CXXC4: variants seen among roughly 807,000 people sequenced by gnomAD.
CXXC4 encodes CXXC-type zinc finger protein 4.
In CXXC4, 5 loss-of-function variants were observed where a neutral mutation model predicts 20.5. The ratio of observed to expected loss-of-function variants is 0.24; its 90% confidence interval spans 0.13 to 0.51. CXXC4 has a LOEUF of 0.51. Ranked by LOEUF, CXXC4 falls within the 20% of genes least tolerant of loss-of-function variation. The pLI is 0.97. For missense variants in CXXC4, 419 were observed against 496.4 expected (o/e 0.84, Z 1.48); for synonymous variants, 250 against 216.4 (o/e 1.16, Z -1.36).
At chr4:104,474,496 C>A (rs1736354814) in intron 2 of CXXC4, among the ~76,000 whole-genome samples, 1 of 151,842 alleles carries the variant, frequency 6.6e-6, no homozygotes, top group South Asian at 2.1e-4. Context: ...AAAGTTTATA[C>A]CAGATGCTAA....
At chr4:104,489,955 AG>A (rs1260972039) in intron 2 of CXXC4, among the ~76,000 whole-genome samples, 2 of 152,220 alleles carry the variant, frequency 1.3e-5, no homozygotes, top group Non-Finnish European at 2.9e-5. Flanking sequence ...TGCAGAGCCC[AG>A]GGGAAATACT....
In CXXC4 at chr4:104,492,977, G is replaced by T. The variant is rs186666226; in HGVS notation, c.-257-918C>A. Among the ~76,000 whole-genome samples the T allele has an allele frequency of 1.6e-3, 236 of 149,030 alleles. 1 individual carries two copies. The highest frequency in any genetic ancestry group is 2.6e-3 in the Non-Finnish European group (178 of 67,690). On this transcript the variant is annotated intron_variant, in intron 1 of 2. Coordinates refer to ENST00000394767, the MANE Select transcript of CXXC4 (RefSeq NM_025212.4). The stretch of plus-strand genomic sequence containing the variant: ...CCTAATGGAGATTGCTGTCTCTTCC[G>T]AAGACAAGAGGAAAGCATGGGACTT...
At chr4:104,492,232 C>G (rs1373984118) in intron 1 of CXXC4, among the ~76,000 whole-genome samples, 173 bp from the exon 2 acceptor site, 1 of 136,752 alleles carries the variant, frequency 7.3e-6, no homozygotes, top group Non-Finnish European at 1.6e-5. Context: ...CCAACTCTCC[C>G]AACCCCCGCT....
At position 104,491,882 on chromosome 4, in the gene CXXC4, TGGGGG is replaced by T; in HGVS notation, c.-85_-81del. 2 of 37,920 alleles carry T rather than the reference TGGGGG, an allele frequency of 5.3e-5. No homozygotes were observed. The highest frequency in any genetic ancestry group is 7.5e-5 in the Non-Finnish European group (2 of 26,668). 2.3% of individuals were successfully genotyped at this position (37,920 alleles called of 1,614,324 possible). On this transcript the variant is annotated 5_prime_UTR_variant, in exon 2 of 3. Transcript: ENST00000394767. ...CACCTGGGTGGAAAAGGGGGAAAGGTGGGGGGGAGGGAAGGGAGTGATGGTGGTGT... is the reference window on the plus strand; with the variant it reads ...CACCTGGGTGGAAAAGGGGGAAAGGTGGAGGGAAGGGAGTGATGGTGGTGT...
Position 104,491,423 on chromosome 4 carries a change from C to T in CXXC4, c.380G>A (p.Gly127Glu). ...GGGGGGGGGGGGGGGGGGRKS... is the reference protein window; with the variant it reads ...GGGGGGGGGGEGGGGGGGRKS... ...CCTGCCGCCCCCACCACCCCCGCCC[C>T]CGCCTCCGCCGCCGCCGCCGCCGCC... Residue 127 changes from glycine (G) to glutamate (E), a missense_variant, in exon 2 of 3, where the codon GGG becomes GAG. Coordinates refer to ENST00000394767, the MANE Select transcript of CXXC4 (RefSeq NM_025212.4). 9.6e-7 allele frequency: 1 copy of T among 1,046,386 alleles called. No individual in the cohort carries two copies. The highest frequency in any genetic ancestry group is 1.2e-6 in the Non-Finnish European group (1 of 834,778). 64.8% of individuals were successfully genotyped at this position (1,046,386 alleles called of 1,614,324 possible). A position where few individuals can be genotyped will look rare whatever the true frequency, so the allele number is the denominator to read the frequency against.
At position 104,490,932 on chromosome 4, in the gene CXXC4, A is replaced by C; in HGVS notation, c.871T>G (p.Ser291Ala). ...PQNHSSSSSS[S>A]SGGAGGANPA... ...TTGGCTCCGCCAGCTCCCCCTGAGG[A>C]GGACGAGGAGGAGGAGGAATGATTC... Residue 291 changes from serine (S) to alanine (A), a missense_variant, in exon 2 of 3, where the codon TCC becomes GCC. By Grantham distance (99) the Ser-to-Ala change is moderately conservative. Coordinates refer to ENST00000394767, the MANE Select transcript of CXXC4 (RefSeq NM_025212.4). 1 of 1,613,998 alleles carries C rather than the reference A, an allele frequency of 6.2e-7. No individual in the cohort carries two copies. The highest frequency in any genetic ancestry group is 8.5e-7 in the Non-Finnish European group (1 of 1,179,988).
chr4:104,478,101 T>C (rs1227778951), intron 2 of CXXC4, among the ~76,000 whole-genome samples: 1 of 152,164 alleles, frequency 6.6e-6, no homozygotes, highest in East Asian at 1.9e-4. Flanking sequence ...TTGACATTTG[T>C]GACCAAGATT....
chr4:104,490,723 C>G lies in CXXC4; in HGVS notation c.1059+21G>C, dbSNP rs763527754. The stretch of plus-strand genomic sequence containing the variant: ...GGAGGGAAGGGGGGAGACTGGGAAA[C>G]AAGAAATCATCTCCTCTGACCTCTA... On this transcript the variant is annotated intron_variant, in intron 2 of 2. Transcript: ENST00000394767. The G allele has an allele frequency of 8.2e-6, 13 of 1,584,426 alleles. No homozygotes were observed. In the South Asian group the frequency reaches 1.4e-4, roughly 17 times the overall value.
chr4:104,494,581 C>G (rs1736990831), intron 1 of CXXC4, 120 bp downstream of exon 1: 1 of 151,638 alleles, frequency 6.6e-6, no homozygotes, highest in Admixed American at 6.6e-5. Flanking sequence ...CACATCACCC[C>G]CTAACACAAA....
chr4:104,491,652 T>C lies in CXXC4; in HGVS notation c.151A>G (p.Lys51Glu). The part of the protein sequence containing the change: ...RYRSFATSFY[K>E]TNGGAFPQAA... Reference sequence around the variant, plus strand: ...TGTGGGAAGGCGCCCCCGTTGGTCTTGTAGAAGGAGGTGGCAAAGGAGCGG... The same window carrying C: ...TGTGGGAAGGCGCCCCCGTTGGTCTCGTAGAAGGAGGTGGCAAAGGAGCGG... Residue 51 changes from lysine to glutamate, a missense_variant, in exon 2 of 3, where the codon AAG (lysine) becomes GAG (glutamate). Transcript: ENST00000394767. 2 of 1,541,572 alleles carry C rather than the reference T, an allele frequency of 1.3e-6. No homozygotes were observed. Among genetic ancestry groups the C allele is most frequent in the Non-Finnish European group, 1.8e-6 (2 of 1,142,804 alleles).
chr4:104,474,367 C>T (rs1736351626), intron 2 of CXXC4, among the ~76,000 whole-genome samples: 1 of 151,944 alleles, frequency 6.6e-6, no homozygotes, highest in South Asian at 2.1e-4. Flanking sequence ...AATAATTATA[C>T]ACATTGATTA....
At position 104,491,329 on chromosome 4, in the gene CXXC4, G is replaced by GCCA. The variant is rs1288257120; in HGVS notation, c.471_473dup (p.Gly165dup). 7.8e-6 allele frequency: 12 copies of GCCA among 1,546,040 alleles called. No homozygotes were observed. The African/African-American group carries it at 9.9e-5, about 13-fold the overall frequency. On this transcript the variant is annotated inframe_insertion, in exon 2 of 3. Coordinates refer to ENST00000394767, the MANE Select transcript of CXXC4 (RefSeq NM_025212.4). ...TGCTGCCGCCGCCGCCGCCGCCGCC[G>GCCA]CCACCGCCGGCGGGGAGGATCGCCG... is the stretch of plus-strand genomic sequence containing the variant.
chr4:104,474,727 A>G (rs1416372850), intron 2 of CXXC4, among the ~76,000 whole-genome samples: 1 of 152,222 alleles, frequency 6.6e-6, no homozygotes, highest in Admixed American at 6.5e-5. Flanking sequence ...TTACTCTCAG[A>G]TGCCAACTGG....
At chr4:104,473,369 T>C (rs114732739) in intron 2 of CXXC4, among the ~76,000 whole-genome samples, 1,700 of 151,960 alleles carry the variant, frequency 0.011, 22 homozygotes, top group South Asian at 0.03. Flanking sequence ...TCCAAAGAAG[T>C]ATCAAGCTAG....
Position 104,469,196 on chromosome 4 carries a change from G to C in CXXC4, c.*3126C>G, listed in dbSNP as rs1409696828. 1 of 152,012 alleles carries C rather than the reference G, an allele frequency of 6.6e-6. No homozygotes were observed. The allele number at this position is 152,012 out of a possible 1,614,324, so 9.4% of individuals were successfully genotyped here. ...CAGAGTCCATCAGAAAGCCACTTTG[G>C]TCTGAAGGCTTAGTGAGAGGTTTGC... On this transcript the variant is annotated 3_prime_UTR_variant, in exon 3 of 3. Coordinates refer to ENST00000394767, the MANE Select transcript of CXXC4 (RefSeq NM_025212.4).
In CXXC4 at chr4:104,491,412, C is replaced by G. The variant is rs767790960; in HGVS notation, c.391G>C (p.Gly131Arg). The G allele has an allele frequency of 9.3e-7, 1 of 1,074,024 alleles. No homozygotes were observed. Among genetic ancestry groups the G allele is most frequent in the African/African-American group, 1.7e-5 (1 of 58,362 alleles). The allele number at this position is 1,074,024 out of a possible 1,614,324, so 66.5% of individuals were successfully genotyped here. A position where few individuals can be genotyped will look rare whatever the true frequency, so the allele number is the denominator to read the frequency against. The change falls in exon 2 of 3, where the codon GGT becomes CGT. Residue 131 changes from glycine (G) to arginine (R), a missense_variant. Coordinates refer to ENST00000394767, the MANE Select transcript of CXXC4 (RefSeq NM_025212.4). ...GAGGAGGATTTCCTGCCGCCCCCAC[C>G]ACCCCCGCCCCCGCCTCCGCCGCCG... is the stretch of plus-strand genomic sequence containing the variant. ...GGGGGGGGGGGGGGRKSSSAA... is the reference protein window; with the variant it reads ...GGGGGGGGGGRGGGRKSSSAA...
rs142837969 is a variant in CXXC4 at position 104,481,092 on chromosome 4, C to G, written c.1060-8726G>C. Among the ~76,000 whole-genome samples the G allele has an allele frequency of 1.7e-4, 26 of 152,260 alleles. No homozygotes were observed. The East Asian group carries it at 5.0e-3, about 29-fold the overall frequency. On this transcript the variant is annotated intron_variant, in intron 2 of 2. Coordinates refer to ENST00000394767, the MANE Select transcript of CXXC4 (RefSeq NM_025212.4). ...GATCATATTAGTCTGTGTTACTTATCTAGATGTGGAGAACTAAACCAAGGA... is the reference window on the plus strand; with the variant it reads ...GATCATATTAGTCTGTGTTACTTATGTAGATGTGGAGAACTAAACCAAGGA...
intron 2 of CXXC4, among the ~76,000 whole-genome samples, chr4:104,480,351 AT>A (rs981169772): frequency 2.6e-5 from 4 of 152,094 alleles, no homozygotes; most frequent in Middle Eastern, 3.2e-3. Context: ...CCTTTTTTAT[AT>A]GCACGATTCT....
At chr4:104,474,643 G>A (rs942475185) in intron 2 of CXXC4, among the ~76,000 whole-genome samples, 10 of 151,814 alleles carry the variant, frequency 6.6e-5, no homozygotes, top group Non-Finnish European at 1.2e-4. Context: ...ATTCACATAC[G>A]AAAAATAAAC....
Sources: allele counts gnomAD v4.1 joint callset (sites outside exome capture counted in the v4.1 genomes callset), GRCh38; gene constraint gnomAD v4.1.1; transcripts MANE v1.5; gene names NCBI Gene and HGNC (gene_info 2026-07-23, HGNC 2026-07-21).